The following TEFM variants were observed in gnomAD, a reference collection of about 807,000 sequenced individuals.
The protein encoded by TEFM is transcription elongation factor of mitochondria.
TEFM carries 14 observed loss-of-function variants against 23.0 expected under a neutral mutation model. That is an observed-to-expected ratio of 0.61 (90% CI 0.40 to 0.95). TEFM has a LOEUF of 0.95. TEFM is among the 40% of genes least tolerant of loss of function. TEFM has a pLI of 0.00. For synonymous variants in TEFM, 155 were observed against 158.3 expected (o/e 0.98, Z 0.16); for missense variants, 386 against 425.5 (o/e 0.91, Z 0.82).
Position 30,899,269 on chromosome 17 carries a change from ATC to A in TEFM, c.981_982del (p.Gln327HisfsTer6), listed in dbSNP as rs1274415392. 1.9e-6 allele frequency: 3 copies of A among 1,614,108 alleles called. No homozygotes were observed. The highest frequency in any genetic ancestry group is 2.2e-5 in the East Asian group (1 of 44,904). On this transcript the variant is annotated frameshift_variant, in exon 4 of 4. Transcript: ENST00000581216. LOFTEE classifies it high-confidence loss of function. ...TCTTTGTAGTTCAGTAGATAAAAAC[ATC>A]TGTCTGTAGTGAACTATTTTATCTG...
chr17:30,900,328 T>C (rs758922149), intron 3 of TEFM, 85 bp downstream of exon 3: 9 of 1,336,118 alleles, frequency 6.7e-6, no homozygotes, highest in South Asian at 1.4e-5. Flanking sequence ...ATCTTTACTA[T>C]TTTATTACAT....
chr17:30,904,880 G>A (rs1412279747), intron 1 of TEFM, among the ~76,000 whole-genome samples: 3 of 151,878 alleles, frequency 2.0e-5, no homozygotes, highest in Non-Finnish European at 4.4e-5. Flanking sequence ...GGGTTTCACA[G>A]TGTTAGCCAG....
chr17:30,905,536 A>AAAG (rs1910151199), intron 1 of TEFM, among the ~76,000 whole-genome samples: 2 of 151,586 alleles, frequency 1.3e-5, no homozygotes, highest in African/African-American at 2.4e-5. Flanking sequence ...AAAAAAAAAA[A>AAAG]GGGTTTTGTC....
chr17:30,904,872 G>T (rs1476384289), intron 1 of TEFM, among the ~76,000 whole-genome samples: 1 of 151,926 alleles, frequency 6.6e-6, no homozygotes, highest in Non-Finnish European at 1.5e-5. Context: ...TAGAGACGGG[G>T]TTTCACAGTG....
At chr17:30,903,982 C>T (rs1406683466) in intron 2 of TEFM, 84 bp downstream of exon 2, 2 of 1,235,612 alleles carry the variant, frequency 1.6e-6, no homozygotes, top group Non-Finnish European at 2.2e-6. Flanking sequence ...CTGTCTTAGC[C>T]ACTTCCCAAC....
chr17:30,902,286 A>G (rs949141598), intron 2 of TEFM, among the ~76,000 whole-genome samples: 1 of 151,390 alleles, frequency 6.6e-6, no homozygotes, highest in Non-Finnish European at 1.5e-5. Context: ...TAAATATCTT[A>G]AAGACAAAAT....
Position 30,899,220 on chromosome 17 carries a change from TAATG to T in TEFM, c.1028_1031del (p.Ser343TyrfsTer10), listed in dbSNP as rs763336318. The T allele has an allele frequency of 1.2e-6, 2 of 1,612,194 alleles. No individual in the cohort carries two copies. The highest frequency in any genetic ancestry group is 2.2e-5 in the South Asian group (2 of 91,002). ...ATTCATAGAAGGCAATAGCTTGTAA[TAATG>T]AATCATAAAGCTCTTCTACTCTTTG... On this transcript the variant is annotated frameshift_variant, in exon 4 of 4. Coordinates refer to ENST00000581216, the MANE Select transcript of TEFM (RefSeq NM_024683.4). LOFTEE classifies it high-confidence loss of function.
chr17:30,906,204 A>C lies in TEFM; in HGVS notation c.-6T>G, dbSNP rs1459431019. ...AAGAGGACAGACCCGCTCATCTCCA[A>C]GTTGAATCAGTAGGTCCAGTCTTCC... On this transcript the variant is annotated 5_prime_UTR_variant, in exon 1 of 4. Coordinates refer to ENST00000581216, the MANE Select transcript of TEFM (RefSeq NM_024683.4). 1 of 1,614,088 alleles carries C rather than the reference A, an allele frequency of 6.2e-7. No individual in the cohort carries two copies. Among genetic ancestry groups the C allele is most frequent in the South Asian group, 1.1e-5 (1 of 91,086 alleles).
rs1296483243 is a variant in TEFM at position 30,900,525 on chromosome 17, C to T, written c.533G>A (p.Arg178Gln). Residue 178 changes from arginine to glutamine, a missense_variant, in exon 3 of 4, where the codon CGA becomes CAA. Arg to Gln is a conservative substitution (Grantham distance 43, BLOSUM62 1). Coordinates refer to ENST00000581216, the MANE Select transcript of TEFM (RefSeq NM_024683.4). ...NSIISIVFGTRRIAWAHLDRK... is the reference protein window; with the variant it reads ...NSIISIVFGTQRIAWAHLDRK... Reference sequence around the variant, plus strand: ...ATCAAGGTGAGCCCAGGCAATTCTTCGAGTACCAAAAACGATAGATATGAT... The same window carrying T: ...ATCAAGGTGAGCCCAGGCAATTCTTTGAGTACCAAAAACGATAGATATGAT... 4.3e-6 allele frequency: 7 copies of T among 1,613,922 alleles called. No individual in the cohort carries two copies. Among genetic ancestry groups the T allele is most frequent in the South Asian group, 2.2e-5 (2 of 91,080 alleles).
Sources: gnomAD v4.1 joint callset for allele counts (sites outside exome capture counted in the v4.1 genomes callset) on GRCh38, gnomAD v4.1.1 for gene constraint, MANE v1.5 for transcripts, NCBI Gene and HGNC (gene_info 2026-07-23, HGNC 2026-07-21) for gene names.